The following CNTN5 variants were observed in gnomAD, a reference collection of about 807,000 sequenced individuals.
CNTN5 encodes contactin 5, also known as contactin-5.
A neutral mutation model predicts 129.1 loss-of-function variants in CNTN5; 77 were observed. That is an observed-to-expected ratio of 0.60 (90% confidence interval 0.50 to 0.72). The LOEUF is 0.72. Ranked by LOEUF, CNTN5 falls within the 30% of genes least tolerant of loss-of-function variation. CNTN5 has a pLI of 0.00. For synonymous variants in CNTN5, 509 were observed against 465.6 expected, an observed-to-expected ratio of 1.09 and a Z score of -1.20; for missense variants, 1,478 against 1,328.8, an observed-to-expected ratio of 1.11 and a Z score of -1.75.
At chr11:100,021,420 CTAATA>C (rs1205542712) in intron 9 of CNTN5, among the ~76,000 whole-genome samples, 1 of 152,108 alleles carries the variant, frequency 6.6e-6, no homozygotes, top group Admixed American at 6.6e-5. Context: ...TTGAAATTTT[CTAATA>C]TATTTGTAGA....
intron 6 of CNTN5, among the ~76,000 whole-genome samples, chr11:99,866,279 T>C (rs116329472): frequency 0.013 from 1,966 of 152,304 alleles, 41 homozygotes; most frequent in African/African-American, 0.045. Flanking sequence ...TCAGTAGTTA[T>C]TTTGAACATT....
intron 3 of CNTN5, among the ~76,000 whole-genome samples, chr11:99,571,271 A>G (rs558798587): frequency 9.2e-5 from 14 of 152,188 alleles, no homozygotes; most frequent in Admixed American, 2.0e-4. Flanking sequence ...TAGCTTCATT[A>G]TGAGTCAGTA....
intron 2 of CNTN5, among the ~76,000 whole-genome samples, chr11:99,440,554 A>G (rs919387585): frequency 6.6e-6 from 1 of 152,302 alleles, no homozygotes; most frequent in African/African-American, 2.4e-5. Flanking sequence ...CAGATAGATA[A>G]TCACTAGTTG....
chr11:99,194,369 T>C (rs887937475), intron 1 of CNTN5, among the ~76,000 whole-genome samples: 1 of 151,992 alleles, frequency 6.6e-6, no homozygotes, highest in Non-Finnish European at 1.5e-5. Flanking sequence ...AGAATGAAAA[T>C]GCAAATTACC....
intron 3 of CNTN5, among the ~76,000 whole-genome samples, chr11:99,688,085 T>G (rs1247154591): frequency 4.6e-5 from 7 of 152,194 alleles, no homozygotes; most frequent in Non-Finnish European, 1.0e-4. Context: ...GGATTCCCTT[T>G]GCGATATATT....
At chr11:99,578,357 T>C (rs1423101263) in intron 3 of CNTN5, among the ~76,000 whole-genome samples, 8 of 149,414 alleles carry the variant, frequency 5.4e-5, no homozygotes, top group Non-Finnish European at 8.9e-5. Context: ...AATGGGATAG[T>C]TGGGTCAAAT....
At chr11:99,143,117 T>C in intron 1 of CNTN5, among the ~76,000 whole-genome samples, 1 of 152,036 alleles carries the variant, frequency 6.6e-6, no homozygotes, top group East Asian at 1.9e-4. Context: ...TTGGCCATAT[T>C]GGCTATTTCT....
chr11:99,582,648 G>A (rs576707614), intron 3 of CNTN5, among the ~76,000 whole-genome samples: 1 of 152,204 alleles, frequency 6.6e-6, no homozygotes, highest in Admixed American at 6.5e-5. Flanking sequence ...TTCACACATA[G>A]TTCTCATGCC....
At chr11:99,712,200 G>T (rs1955021430) in intron 3 of CNTN5, among the ~76,000 whole-genome samples, 1 of 152,074 alleles carries the variant, frequency 6.6e-6, no homozygotes. Flanking sequence ...ATCTCATTGT[G>T]GTTTTCATTT....
chr11:100,029,423 A>G (rs1418684947), intron 9 of CNTN5, among the ~76,000 whole-genome samples: 1 of 152,014 alleles, frequency 6.6e-6, no homozygotes, highest in East Asian at 1.9e-4. Flanking sequence ...TCTACTAAAA[A>G]TACAAAAAAA....
intron 1 of CNTN5, among the ~76,000 whole-genome samples, chr11:99,225,569 CTG>C (rs1399742148): frequency 5.3e-5 from 8 of 152,116 alleles, no homozygotes; most frequent in African/African-American, 1.9e-4. Context: ...TTCCAACTAA[CTG>C]TGCTTTTGAC....
intron 2 of CNTN5, among the ~76,000 whole-genome samples, chr11:99,360,634 C>G (rs1939041846): frequency 6.6e-6 from 1 of 152,114 alleles, no homozygotes; most frequent in African/African-American, 2.4e-5. Flanking sequence ...GTTCCCCAGG[C>G]CTTGGCATTC....
rs533258475 is a variant in CNTN5, at chr11:99,815,061, C to G, written c.56-4483C>G. Among the ~76,000 whole-genome samples the G allele has an allele frequency of 3.0e-4, 46 of 152,190 alleles. 1 individual carries two copies. The South Asian group carries it at 4.1e-3, about 14-fold the overall frequency. ...GGAAACTGCCCCCCTGACTCATTTACCTCCGTTTGGTTTCTGCCTTCACAC... is the reference window on the plus strand; with the variant it reads ...GGAAACTGCCCCCCTGACTCATTTAGCTCCGTTTGGTTTCTGCCTTCACAC... On this transcript the variant is annotated intron_variant, in intron 3 of 24. Coordinates refer to ENST00000524871, the MANE Select transcript of CNTN5 (RefSeq NM_014361.4).
intron 2 of CNTN5, among the ~76,000 whole-genome samples, chr11:99,510,717 C>A (rs1266614911): frequency 6.6e-6 from 1 of 152,114 alleles, no homozygotes. Context: ...GGTGATGCTG[C>A]TGTAAACAAA....
At chr11:99,614,860 T>G (rs925497335) in intron 3 of CNTN5, among the ~76,000 whole-genome samples, 12 of 152,046 alleles carry the variant, frequency 7.9e-5, no homozygotes, top group African/African-American at 2.9e-4. Flanking sequence ...AGTATCCCCT[T>G]TTTCTGTAAG....
At chr11:100,321,601 A>T (rs1265426312) in intron 21 of CNTN5, among the ~76,000 whole-genome samples, 1 of 152,134 alleles carries the variant, frequency 6.6e-6, no homozygotes, top group African/African-American at 2.4e-5. Context: ...GAGAAGTGGC[A>T]AGAGTATGCA....
chr11:99,272,298 C>CTT (rs766257853), intron 1 of CNTN5, among the ~76,000 whole-genome samples: 9 of 144,566 alleles, frequency 6.2e-5, no homozygotes, highest in African/African-American at 1.3e-4. Flanking sequence ...AGTAAGCAGT[C>CTT]TTTTTTTTTT....
At chr11:99,314,014 C>A (rs192425336) in intron 1 of CNTN5, among the ~76,000 whole-genome samples, 119 of 152,044 alleles carry the variant, frequency 7.8e-4, no homozygotes, top group Non-Finnish European at 1.2e-3. Flanking sequence ...AAAGTTCAAA[C>A]CTGAGATTTA....
chr11:99,570,403 C>A (rs962484107), intron 3 of CNTN5, among the ~76,000 whole-genome samples: 1 of 152,120 alleles, frequency 6.6e-6, no homozygotes, highest in African/African-American at 2.4e-5. Flanking sequence ...TTCAGTCGTT[C>A]TTCTAAGAAA....
Sources: gnomAD v4.1 joint callset for allele counts (sites outside exome capture counted in the v4.1 genomes callset) on GRCh38, gnomAD v4.1.1 for gene constraint, MANE v1.5 for transcripts, NCBI Gene and HGNC (gene_info 2026-07-23, HGNC 2026-07-21) for gene names.